The following EFCAB5 variants were observed in gnomAD, a reference collection of about 807,000 sequenced individuals.
EFCAB5 encodes the protein EF-hand calcium binding domain 5, also known as EF-hand calcium-binding domain-containing protein 5.
EFCAB5 carries 131 observed loss-of-function variants against 167.9 expected under a neutral mutation model. That is an observed-to-expected ratio of 0.78 (90% CI 0.68 to 0.90). The LOEUF is 0.90. EFCAB5 is among the 40% of genes least tolerant of loss of function. EFCAB5 has a pLI of 0.00. For synonymous variants in EFCAB5, 574 were observed against 602.8 expected (o/e 0.95, Z 0.70); for missense variants, 1,663 against 1,745.2 (o/e 0.95, Z 0.84).
chr17:30,081,035 CTT>C lies in EFCAB5; in HGVS notation c.3426+58_3426+59del, dbSNP rs2070979371. ...GGTAGGATGGCCTCTCTTTCTAATA[CTT>C]TTTAAAGAGTGAAACCTGAAATCCG... On this transcript the variant is annotated intron_variant, in intron 17 of 22. Transcript: ENST00000394835. The C allele has an allele frequency of 5.0e-5, 70 of 1,406,120 alleles. No individual in the cohort carries two copies. In the South Asian group the frequency reaches 7.1e-4, roughly 14 times the overall value. The allele number at this position is 1,406,120 out of a possible 1,614,324, so 87.1% of individuals were successfully genotyped here.
At chr17:30,078,105 A>T in intron 14 of EFCAB5, 110 bp from the exon 15 acceptor site, 2 of 1,224,530 alleles carry the variant, frequency 1.6e-6, no homozygotes, top group Non-Finnish European at 1.1e-6. Context: ...TTGGTTTTCC[A>T]GGAGAGCAGT....
rs1030733992 is a variant in EFCAB5 at position 30,057,683 on chromosome 17, C to A, written c.2373C>A (p.His791Gln). The A allele has an allele frequency of 3.7e-6, 6 of 1,612,134 alleles. No individual in the cohort carries two copies. Among genetic ancestry groups the A allele is most frequent in the Middle Eastern group, 1.7e-4 (1 of 6,046 alleles). Residue 791 changes from histidine to glutamine, a missense_variant, in exon 13 of 23, where the codon CAC becomes CAA. Physicochemically the swap from His to Gln is conservative, Grantham distance 24. Transcript: ENST00000394835. The stretch of plus-strand genomic sequence containing the variant: ...ATGTTTCTTGCTTGACAGATTTACA[C>A]TCAATTATCAGAAATATTCAGTCTT... Reference protein sequence around the residue: ...IYGNSRFTDLHSIIRNIQSCK... With the variant: ...IYGNSRFTDLQSIIRNIQSCK...
At chr17:30,095,377 A>G (rs992472978) in intron 22 of EFCAB5, among the ~76,000 whole-genome samples, 3 of 152,194 alleles carry the variant, frequency 2.0e-5, no homozygotes, top group African/African-American at 7.2e-5. Context: ...CCATTTATAA[A>G]GAAACCCACC....
chr17:30,007,337 A>C (rs2068793000), intron 7 of EFCAB5, among the ~76,000 whole-genome samples: 2 of 152,214 alleles, frequency 1.3e-5, no homozygotes, highest in African/African-American at 4.8e-5. Context: ...TTTATTGGGA[A>C]ATACAATTTA....
chr17:30,095,031 C>A (rs930827615), intron 22 of EFCAB5, among the ~76,000 whole-genome samples: 7 of 152,188 alleles, frequency 4.6e-5, no homozygotes, highest in Non-Finnish European at 8.8e-5. Context: ...CCCCACTCCA[C>A]TTGGGACCTC....
At chr17:30,004,077 C>G (rs2068724244) in intron 7 of EFCAB5, among the ~76,000 whole-genome samples, 1 of 152,206 alleles carries the variant, frequency 6.6e-6, no homozygotes, top group African/African-American at 2.4e-5. Flanking sequence ...GACTGAATAC[C>G]AGGTCACCAC....
chr17:30,066,921 A>G lies in EFCAB5; in HGVS notation c.2737+7220A>G, dbSNP rs964704565. On this transcript the variant is annotated intron_variant, in intron 14 of 22. Transcript: ENST00000394835. ...AATAGAAAACCTAGCAGAAATGGATAAATTCCTGGACACATACAGCCTACC... is the reference window on the plus strand; with the variant it reads ...AATAGAAAACCTAGCAGAAATGGATGAATTCCTGGACACATACAGCCTACC... 5.3e-5 allele frequency among the ~76,000 whole-genome samples: 8 copies of G among 152,346 alleles called. No homozygotes were observed. The East Asian group carries it at 7.7e-4, about 15-fold the overall frequency.
chr17:29,997,895 GC>G (rs765258374), intron 6 of EFCAB5, among the ~76,000 whole-genome samples: 1 of 150,940 alleles, frequency 6.6e-6, no homozygotes, highest in Non-Finnish European at 1.5e-5. Context: ...AGATTTTGGT[GC>G]TTTTGTTTTC....
intron 3 of EFCAB5, among the ~76,000 whole-genome samples, chr17:29,963,496 A>T (rs1408602166): frequency 6.6e-6 from 1 of 152,222 alleles, no homozygotes; most frequent in Non-Finnish European, 1.5e-5. Context: ...CATAAGGAAT[A>T]TTGGCCTATA....
intron 14 of EFCAB5, chr17:30,069,540 C>T: frequency 6.2e-7 from 1 of 1,612,416 alleles, no homozygotes; most frequent in East Asian, 2.2e-5. Flanking sequence ...ATAAGAGAGG[C>T]CATTAAAAAC....
chr17:30,005,828 A>G (rs570327535), intron 7 of EFCAB5, among the ~76,000 whole-genome samples: 91 of 152,368 alleles, frequency 6.0e-4, no homozygotes, highest in African/African-American at 2.1e-3. Context: ...AGGCCATGTC[A>G]GGTAAGGGTT....
intron 7 of EFCAB5, among the ~76,000 whole-genome samples, chr17:30,028,426 T>C (rs964127492): frequency 1.3e-5 from 2 of 152,240 alleles, no homozygotes; most frequent in Non-Finnish European, 2.9e-5. Flanking sequence ...TTATGTGCTT[T>C]GAGCTGTAGC....
chr17:30,040,165 C>T (rs555281394), intron 8 of EFCAB5, among the ~76,000 whole-genome samples: 15 of 152,262 alleles, frequency 9.9e-5, no homozygotes, highest in South Asian at 4.1e-4. Context: ...AAGATTCCAC[C>T]GCCTGGAATA....
At position 30,043,855 on chromosome 17, in the gene EFCAB5, T is replaced by C. The variant is rs1252834504; in HGVS notation, c.1201-7263T>C. Among the ~76,000 whole-genome samples, 4 of 152,280 alleles carry C rather than the reference T, an allele frequency of 2.6e-5. No individual in the cohort carries two copies. The East Asian group carries it at 7.7e-4, about 29-fold the overall frequency. On this transcript the variant is annotated intron_variant, in intron 8 of 22. Coordinates refer to ENST00000394835, the MANE Select transcript of EFCAB5 (RefSeq NM_198529.4). ...CCAATCCAAATCCCAGTGAACTTATTTACAGAAATTGACAAACTATTCTGA... is the reference window on the plus strand; with the variant it reads ...CCAATCCAAATCCCAGTGAACTTATCTACAGAAATTGACAAACTATTCTGA...
At chr17:29,977,051 C>T (rs1446897034) in intron 4 of EFCAB5, among the ~76,000 whole-genome samples, 1 of 152,106 alleles carries the variant, frequency 6.6e-6, no homozygotes, top group Non-Finnish European at 1.5e-5. Context: ...TTTTGGACAA[C>T]TGTAAAGTAG....
intron 4 of EFCAB5, among the ~76,000 whole-genome samples, chr17:29,970,541 C>G (rs181101638): frequency 2.0e-5 from 3 of 151,258 alleles, no homozygotes; most frequent in Admixed American, 1.3e-4. Context: ...TCTATTAATA[C>G]TCTTAGAAAA....
chr17:29,942,142 T>G, intron 1 of EFCAB5, 98 bp from the exon 2 acceptor site: 2 of 1,053,512 alleles, frequency 1.9e-6, no homozygotes, highest in Non-Finnish European at 1.3e-6. Context: ...TTATGTGAAA[T>G]TTTTAAAAAT....
At chr17:29,951,597 T>C (rs1003930131) in intron 3 of EFCAB5, among the ~76,000 whole-genome samples, 6 of 151,966 alleles carry the variant, frequency 3.9e-5, no homozygotes, top group Non-Finnish European at 7.4e-5. Context: ...CCTTGTGATC[T>C]GCCCGCCTTG....
At chr17:30,107,378 G>A (rs1424343527) in intron 22 of EFCAB5, among the ~76,000 whole-genome samples, 1 of 152,140 alleles carries the variant, frequency 6.6e-6, no homozygotes, top group African/African-American at 2.4e-5. Context: ...AGGAACAGTT[G>A]AGGATTTCTA....
Sources: allele counts gnomAD v4.1 joint callset (sites outside exome capture counted in the v4.1 genomes callset), GRCh38; gene constraint gnomAD v4.1.1; transcripts MANE v1.5; gene names NCBI Gene and HGNC (gene_info 2026-07-23, HGNC 2026-07-21).